ANKRD44: variants seen among roughly 807,000 people sequenced by gnomAD.
ANKRD44 encodes the protein serine/threonine-protein phosphatase 6 regulatory ankyrin repeat subunit B.
Under a neutral mutation model 116.0 loss-of-function variants are expected in ANKRD44, and 35 were observed. The observed-to-expected ratio is 0.30, with a 90% CI of 0.23 to 0.40. ANKRD44 has a LOEUF of 0.40. Among genes scored for constraint, ANKRD44 ranks in the 10% least tolerant of loss-of-function variants. ANKRD44 has a pLI of 1.00. For synonymous variants in ANKRD44, 435 were observed against 461.8 expected, an observed-to-expected ratio of 0.94 and a Z score of 0.74; for missense variants, 1,014 against 1,242.6, an observed-to-expected ratio of 0.82 and a Z score of 2.77.
chr2:196,983,655 T>C (rs1256005676), downstream of ANKRD44, among the ~76,000 whole-genome samples: 2 of 152,222 alleles, frequency 1.3e-5, no homozygotes, highest in Non-Finnish European at 2.9e-5. Context: ...GCTTCAGTAT[T>C]TTTACTTTTG....
chr2:197,145,832 T>C (rs1451193605), intron 3 of ANKRD44, among the ~76,000 whole-genome samples: 2 of 152,196 alleles, frequency 1.3e-5, no homozygotes, highest in Non-Finnish European at 1.5e-5. Context: ...TCCCCTTTCC[T>C]TACTGCAAAC....
In ANKRD44 at chr2:197,114,149, A is replaced by G. The variant is rs1337179325; in HGVS notation, c.907-3305T>C. Among the ~76,000 whole-genome samples, 3 of 152,348 alleles carry G rather than the reference A, an allele frequency of 2.0e-5. No individual in the cohort carries two copies. The East Asian group carries it at 5.8e-4, about 29-fold the overall frequency. On this transcript the variant is annotated intron_variant, in intron 8 of 27. Transcript: ENST00000282272. Reference sequence around the variant, plus strand: ...TCTGAGAAATTGAAATTTATCATGCAGGGGTACTGGCTGTTGCTACTATTC... The same window carrying G: ...TCTGAGAAATTGAAATTTATCATGCGGGGGTACTGGCTGTTGCTACTATTC...
At chr2:197,107,463 A>G (rs1323295308) in intron 9 of ANKRD44, among the ~76,000 whole-genome samples, 1 of 152,136 alleles carries the variant, frequency 6.6e-6, no homozygotes, top group African/African-American at 2.4e-5. Flanking sequence ...GACAACAAAC[A>G]ATGTGATTGG....
intron 1 of ANKRD44, among the ~76,000 whole-genome samples, chr2:197,193,619 C>G (rs1397135903): frequency 1.3e-5 from 2 of 152,158 alleles, no homozygotes; most frequent in Non-Finnish European, 2.9e-5. Context: ...GTGGCTCACA[C>G]CTGTAATCCC....
Position 197,086,664 on chromosome 2 carries a change from C to A in ANKRD44, c.1316+16G>T. On this transcript the variant is annotated intron_variant, in intron 13 of 27. Transcript: ENST00000282272. ...TCTTATTTAAGCACTTGAAGCACAACTCTCTGATTACATACCTCCCACACT... is the reference window on the plus strand; with the variant it reads ...TCTTATTTAAGCACTTGAAGCACAAATCTCTGATTACATACCTCCCACACT... The A allele has an allele frequency of 6.2e-7, 1 of 1,613,036 alleles. No individual in the cohort carries two copies. Among genetic ancestry groups the A allele is most frequent in the Non-Finnish European group, 8.5e-7 (1 of 1,179,088 alleles).
chr2:197,088,032 A>G lies in ANKRD44; in HGVS notation c.1247+679T>C, dbSNP rs189543524. On this transcript the variant is annotated intron_variant, in intron 12 of 27. Coordinates refer to ENST00000282272, the MANE Select transcript of ANKRD44 (RefSeq NM_001195144.2). ...GCATTACTGTTCCTTAAGGACCAGG[A>G]AACTGATTAAGAACCAACATCTTCC... Among the ~76,000 whole-genome samples, 4 of 152,324 alleles carry G rather than the reference A, an allele frequency of 2.6e-5. No individual in the cohort carries two copies. In the East Asian group the frequency reaches 7.7e-4, roughly 29 times the overall value.
chr2:196,998,691 T>G (rs958824996), intron 24 of ANKRD44, among the ~76,000 whole-genome samples: 1 of 152,212 alleles, frequency 6.6e-6, no homozygotes, highest in African/African-American at 2.4e-5. Context: ...GTTGATAATT[T>G]CATTGCAGAA....
chr2:197,219,954 CAAGCT>C (rs2081546120), intron 1 of ANKRD44, among the ~76,000 whole-genome samples: 1 of 152,158 alleles, frequency 6.6e-6, no homozygotes, highest in Non-Finnish European at 1.5e-5. Context: ...TTTATTTTAA[CAAGCT>C]ATAGAAGGCT....
At chr2:197,094,281 T>C (rs981975822) in intron 10 of ANKRD44, among the ~76,000 whole-genome samples, 3 of 152,194 alleles carry the variant, frequency 2.0e-5, no homozygotes, top group African/African-American at 4.8e-5. Context: ...ACTTCACCTT[T>C]GGCAAGTGCA....
At position 197,100,207 on chromosome 2, in the gene ANKRD44, C is replaced by T. The variant is rs186827077; in HGVS notation, c.986-277G>A. 9.2e-5 allele frequency among the ~76,000 whole-genome samples: 14 copies of T among 152,234 alleles called. No homozygotes were observed. The East Asian group carries it at 2.5e-3, about 27-fold the overall frequency. ...ATCCCAGCACTTTGGGAGGCTGAGG[C>T]GGGCAGATCACGAGGTCAGGAGTTT... is the stretch of plus-strand genomic sequence containing the variant. On this transcript the variant is annotated intron_variant, in intron 9 of 27. Coordinates refer to ENST00000282272, the MANE Select transcript of ANKRD44 (RefSeq NM_001195144.2).
intron 3 of ANKRD44, among the ~76,000 whole-genome samples, chr2:197,139,848 TTG>T (rs71012957): frequency 0.084 from 10,992 of 131,366 alleles, 519 homozygotes; most frequent in Middle Eastern, 0.12. Context: ...TAAGCTGCTT[TTG>T]TGTGTGTGTG....
In ANKRD44 at chr2:197,275,695, G is replaced by C. The variant is rs772998262; in HGVS notation, c.27+34883C>G. Among the ~76,000 whole-genome samples the C allele has an allele frequency of 5.9e-5, 9 of 152,056 alleles. No individual in the cohort carries two copies. The South Asian group carries it at 1.0e-3, about 18-fold the overall frequency. ...CACTGCCCCTACAGGCTTTGGAACC[G>C]GGTTGGGGGCTTTTGGTCGTTACAA... On this transcript the variant is annotated intron_variant, in intron 1 of 27. Transcript: ENST00000282272.
rs752252748 is a variant in ANKRD44 at position 197,099,818 on chromosome 2, G to T, written c.1098C>A (p.Ala366=). 1.2e-6 allele frequency: 2 copies of T among 1,613,772 alleles called. No individual in the cohort carries two copies. ...NTLITSGADT[A]KCGIHSMFPL... ...ACCGTATTTTTGCGGTAACCTACTT[G>T]GCTGTGTCAGCTCCGCTGGTTATTA... is the stretch of plus-strand genomic sequence containing the variant. Residue 366 remains alanine (A), a splice_region_variant and synonymous_variant, in exon 10 of 28, where the codon GCC becomes GCA. Transcript: ENST00000282272.
At position 197,212,445 on chromosome 2, in the gene ANKRD44, C is replaced by T. The variant is rs977254033; in HGVS notation, c.28-25339G>A. Among the ~76,000 whole-genome samples the T allele has an allele frequency of 3.9e-5, 6 of 152,126 alleles. No homozygotes were observed. The highest frequency in any genetic ancestry group is 1.4e-4 in the African/African-American group (6 of 41,424). ...CAGTCCATTGTTGCCTAGACAAAGG[C>T]AAATTCTCAGGAATCTACCAAGACC... On this transcript the variant is annotated intron_variant, in intron 1 of 27. Transcript: ENST00000282272. The surrounding 1 kb of genome is among the most constrained non-coding windows in gnomAD (Gnocchi z 4.8).
At chr2:197,268,846 A>C (rs1426258087) in intron 1 of ANKRD44, among the ~76,000 whole-genome samples, 1 of 152,166 alleles carries the variant, frequency 6.6e-6, no homozygotes. Flanking sequence ...ATGCCTCCCT[A>C]ACACTGGGGA....
At chr2:197,102,561 A>G (rs1030889166) in intron 9 of ANKRD44, among the ~76,000 whole-genome samples, 1 of 152,154 alleles carries the variant, frequency 6.6e-6, no homozygotes, top group African/African-American at 2.4e-5. Flanking sequence ...GAAGTTGAAC[A>G]TCTTTTCATA....
At chr2:197,250,592 A>C (rs191373392) in intron 1 of ANKRD44, among the ~76,000 whole-genome samples, 39 of 152,318 alleles carry the variant, frequency 2.6e-4, no homozygotes, top group African/African-American at 9.4e-4. Context: ...GAGGAATAAT[A>C]GTTTATATTG....
chr2:196,991,063 G>C (rs2125875582), intron 27 of ANKRD44: 2 of 803,956 alleles, frequency 2.5e-6, no homozygotes, highest in Non-Finnish European at 3.3e-6. Flanking sequence ...GTAAAACGAG[G>C]AGTTACTTCT....
intron 1 of ANKRD44, among the ~76,000 whole-genome samples, chr2:197,257,711 C>T (rs2082487753): frequency 6.6e-6 from 1 of 152,134 alleles, no homozygotes; most frequent in African/African-American, 2.4e-5. Flanking sequence ...AATATATACA[C>T]CTACTATGTA....
Sources: allele counts gnomAD v4.1 joint callset (sites outside exome capture counted in the v4.1 genomes callset), GRCh38; gene constraint gnomAD v4.1.1; non-coding constraint Gnocchi (gnomAD v3.1); transcripts MANE v1.5; gene names NCBI Gene and HGNC (gene_info 2026-07-23, HGNC 2026-07-21).